SLC38A2: variants seen among roughly 807,000 people sequenced by gnomAD.
The protein encoded by SLC38A2 is solute carrier family 38 member 2, also known as sodium-coupled neutral amino acid symporter 2.
SLC38A2 carries 11 observed loss-of-function variants against 61.5 expected under a neutral mutation model. The ratio of observed to expected loss-of-function variants is 0.18; its 90% CI spans 0.11 to 0.30. The LOEUF is 0.30. SLC38A2 is among the 10% of genes least tolerant of loss of function. The probability of loss-of-function intolerance (pLI) is 1.00; values close to 1 mark genes in which losing one functional copy is unlikely to be tolerated. For synonymous variants in SLC38A2, 217 were observed against 212.5 expected (o/e 1.02, Z -0.18); for missense variants, 522 against 600.4 (o/e 0.87, Z 1.36).
At chr12:46,365,704 C>T (rs1271927559) in intron 7 of SLC38A2, among the ~76,000 whole-genome samples, 1 of 151,982 alleles carries the variant, frequency 6.6e-6, no homozygotes, top group Non-Finnish European at 1.5e-5. Flanking sequence ...ACTGCCCCCC[C>T]CATAAAAAAA....
intron 4 of SLC38A2, among the ~76,000 whole-genome samples, chr12:46,370,124 T>C (rs1338292296): frequency 1.3e-5 from 2 of 152,214 alleles, no homozygotes; most frequent in Non-Finnish European, 2.9e-5. Flanking sequence ...AAGAACTGTG[T>C]CGATTTACCA....
intron 13 of SLC38A2, 147 bp downstream of exon 13, chr12:46,362,874 C>G: frequency 9.5e-7 from 1 of 1,057,228 alleles, no homozygotes; most frequent in Non-Finnish European, 1.3e-6. Flanking sequence ...AAAATATACA[C>G]TGTATTTTTA....
rs940669355 is a variant in SLC38A2 at position 46,371,365 on chromosome 12, G to A, written c.-72C>T. 2 of 1,255,604 alleles carry A rather than the reference G, an allele frequency of 1.6e-6. No homozygotes were observed. Among genetic ancestry groups the A allele is most frequent in the Non-Finnish European group, 2.3e-6 (2 of 867,546 alleles). 77.8% of individuals were successfully genotyped at this position (1,255,604 alleles called of 1,614,324 possible). Reference sequence around the variant, plus strand: ...TTTTGTCCTTGGCGGTGGGTGCAGCGGCCCGCGAGTCGGCCTGCGAAAGTA... The same window carrying A: ...TTTTGTCCTTGGCGGTGGGTGCAGCAGCCCGCGAGTCGGCCTGCGAAAGTA... On this transcript the variant is annotated 5_prime_UTR_variant, in exon 2 of 16. Coordinates refer to ENST00000256689, the MANE Select transcript of SLC38A2 (RefSeq NM_018976.5).
At chr12:46,362,408 A>C (rs1398103206) in intron 14 of SLC38A2, 27 bp from the exon 15 acceptor site, 2 of 1,601,454 alleles carry the variant, frequency 1.2e-6, no homozygotes, top group African/African-American at 1.3e-5. Context: ...ATGTTTCTTG[A>C]GGATTCAATG....
Position 46,372,710 on chromosome 12 carries a change from C to G in SLC38A2, c.-288G>C. ...GGAAAGGCGCGAGCGTGCGGTAACG[C>G]GTGGTCGGGCTGCTGCTAGCAGTAC... On this transcript the variant is annotated 5_prime_UTR_variant, in exon 1 of 16. Coordinates refer to ENST00000256689, the MANE Select transcript of SLC38A2 (RefSeq NM_018976.5). The G allele has an allele frequency of 2.5e-6, 1 of 398,490 alleles. No homozygotes were observed. Among genetic ancestry groups the G allele is most frequent in the South Asian group, 1.3e-4 (1 of 7,860 alleles). 24.7% of individuals were successfully genotyped at this position (398,490 alleles called of 1,614,324 possible).
In SLC38A2 at chr12:46,360,089, T is replaced by C. The variant is rs1040189982; in HGVS notation, c.*1022A>G. 4 of 152,590 alleles carry C rather than the reference T, an allele frequency of 2.6e-5. No individual in the cohort carries two copies. The highest frequency in any genetic ancestry group is 9.7e-5 in the African/African-American group (4 of 41,440). The allele number at this position is 152,590 out of a possible 1,614,324, so 9.5% of individuals were successfully genotyped here. A position where few individuals can be genotyped will look rare whatever the true frequency, so the allele number is the denominator to read the frequency against. ...ACACAATAATTTTGGCCTATTGCCA[T>C]CAAATGCCCATTTTCCACTGCTGGA... On this transcript the variant is annotated 3_prime_UTR_variant, in exon 16 of 16. Transcript: ENST00000256689.
rs985435179 is a variant in SLC38A2, at chr12:46,372,591, T to G, written c.-169A>C. 7 of 397,862 alleles carry G rather than the reference T, an allele frequency of 1.8e-5. No homozygotes were observed. Among genetic ancestry groups the G allele is most frequent in the African/African-American group, 1.4e-4 (7 of 48,552 alleles). 24.6% of individuals were successfully genotyped at this position (397,862 alleles called of 1,614,324 possible). A position where few individuals can be genotyped will look rare whatever the true frequency, so the allele number is the denominator to read the frequency against. ...AAATCATAAAAAACAAACAAAAAAT[T>G]TCCCCAAATCCAACAACAGGCAGGA... On this transcript the variant is annotated 5_prime_UTR_variant, in exon 1 of 16. Coordinates refer to ENST00000256689, the MANE Select transcript of SLC38A2 (RefSeq NM_018976.5).
Position 46,372,737 on chromosome 12 carries a change from G to A in SLC38A2, c.-315C>T. ...TGGTCGGGCTGCTGCTAGCAGTACT[G>A]GAAAGGCGTTCTAAGGCGGCGGCGT... On this transcript the variant is annotated 5_prime_UTR_variant, in exon 1 of 16. Coordinates refer to ENST00000256689, the MANE Select transcript of SLC38A2 (RefSeq NM_018976.5). The A allele has an allele frequency of 5.0e-6, 2 of 398,464 alleles. No individual in the cohort carries two copies. The highest frequency in any genetic ancestry group is 4.4e-6 in the Non-Finnish European group (1 of 225,934). 24.7% of individuals were successfully genotyped at this position (398,464 alleles called of 1,614,324 possible).
chr12:46,362,074 T>C, intron 15 of SLC38A2: 1 of 481,940 alleles, frequency 2.1e-6, no homozygotes, highest in Non-Finnish European at 3.7e-6. Flanking sequence ...AATAACTTTA[T>C]TGCAATTAAT....
Position 46,363,188 on chromosome 12 carries a change from T to G in SLC38A2, c.1055-43A>C, listed in dbSNP as rs368453092. ...AAAAACTTTGATTGGCTGTTTTCAT[T>G]GGACACCAAGTAGAAAATTTAACAG... On this transcript the variant is annotated intron_variant, in intron 12 of 15. Transcript: ENST00000256689. The G allele has an allele frequency of 5.9e-4, 942 of 1,600,852 alleles. 17 individuals carry two copies. In the South Asian group the frequency reaches 9.8e-3, roughly 17 times the overall value.
chr12:46,367,334 G>T lies in SLC38A2; in HGVS notation c.321C>A (p.Leu107=). 1 of 1,560,218 alleles carries T rather than the reference G, an allele frequency of 6.4e-7. No homozygotes were observed. The highest frequency in any genetic ancestry group is 8.8e-7 in the Non-Finnish European group (1 of 1,132,324). Residue 107 remains leucine (L), a synonymous_variant, in exon 5 of 16, where the codon CTC becomes CTA. Transcript: ENST00000256689. The part of the protein sequence containing the change: ...ANTGIALFII[L]LTFVSIFSLY... ...GGGAAAATATTGACACAAATGTCAA[G>T]AGAATTCTGGTGAGAGAAGGAAAAG...
intron 4 of SLC38A2, among the ~76,000 whole-genome samples, chr12:46,368,343 T>G (rs146170620): frequency 1.3e-5 from 2 of 152,158 alleles, no homozygotes; most frequent in African/African-American, 4.8e-5. Context: ...TGACTGTCTC[T>G]AAGCCTTTCC....
In SLC38A2 at chr12:46,360,225, C is replaced by A. The variant is rs1470067048; in HGVS notation, c.*886G>T. The stretch of plus-strand genomic sequence containing the variant: ...TTTTACCCAATTGCACTATTTGGTA[C>A]CTCAAAATTAGTTATTTTATTTCCC... On this transcript the variant is annotated 3_prime_UTR_variant, in exon 16 of 16. Transcript: ENST00000256689. 2 of 152,606 alleles carry A rather than the reference C, an allele frequency of 1.3e-5. No individual in the cohort carries two copies. Among genetic ancestry groups the A allele is most frequent in the Non-Finnish European group, 2.9e-5 (2 of 68,020 alleles). The allele number at this position is 152,606 out of a possible 1,614,324, so 9.5% of individuals were successfully genotyped here.
rs1174897786 is a variant in SLC38A2, at chr12:46,362,520, G to T, written c.1298C>A (p.Thr433Asn). Residue 433 changes from threonine to asparagine, a missense_variant, in exon 14 of 16, where the codon ACT becomes AAT. Transcript: ENST00000256689. ...FTNLLVIFVP[T>N]IRDIFGFIGA... ...AATAAAACCAAAGATATCCCTAATA[G>T]TTGGGACAAAGATGACAAGTAAATT... 2 of 1,598,488 alleles carry T rather than the reference G, an allele frequency of 1.3e-6. No homozygotes were observed. Among genetic ancestry groups the T allele is most frequent in the Non-Finnish European group, 1.7e-6 (2 of 1,176,102 alleles).
Position 46,363,707 on chromosome 12 carries a change from T to C in SLC38A2, c.1054+19A>G. On this transcript the variant is annotated intron_variant, in intron 12 of 15. Transcript: ENST00000256689. ...TTTTTTGTTTTTGTTTTTGTTTTGG[T>C]AAAGGAGGCGTTACTTACCGTAAAA... The C allele has an allele frequency of 9.4e-6, 14 of 1,490,936 alleles. No homozygotes were observed. The highest frequency in any genetic ancestry group is 1.3e-5 in the Non-Finnish European group (14 of 1,110,176). 92.4% of individuals were successfully genotyped at this position (1,490,936 alleles called of 1,614,324 possible). A position where few individuals can be genotyped will look rare whatever the true frequency, so the allele number is the denominator to read the frequency against.
intron 3 of SLC38A2, 55 bp from the exon 4 acceptor site, chr12:46,370,682 C>A (rs2120570731): frequency 3.2e-6 from 5 of 1,563,556 alleles, no homozygotes; most frequent in Non-Finnish European, 4.4e-6. Flanking sequence ...ATGGAGAAAA[C>A]CAGCTTTGGG....
Position 46,359,691 on chromosome 12 carries a change from A to C in SLC38A2, c.*1420T>G, listed in dbSNP as rs966307054. On this transcript the variant is annotated 3_prime_UTR_variant, in exon 16 of 16. Transcript: ENST00000256689. ...TGACGTACGATAAATGTGCTCTTAA[A>C]GCCAAGTTTCAAAGTAATTATTTTC... 2.6e-5 allele frequency: 4 copies of C among 152,574 alleles called. No homozygotes were observed. Among genetic ancestry groups the C allele is most frequent in the Admixed American group, 2.6e-4 (4 of 15,282 alleles). The allele number at this position is 152,574 out of a possible 1,614,324, so 9.5% of individuals were successfully genotyped here. A position where few individuals can be genotyped will look rare whatever the true frequency, so the allele number is the denominator to read the frequency against.
At chr12:46,361,643 T>A (rs1463732045) in intron 15 of SLC38A2, among the ~76,000 whole-genome samples, 5 of 152,130 alleles carry the variant, frequency 3.3e-5, no homozygotes, top group African/African-American at 1.2e-4. Flanking sequence ...ACTATGTAAT[T>A]TAGAGTAAAA....
chr12:46,370,650 C>T, intron 3 of SLC38A2, 23 bp from the exon 4 acceptor site: 2 of 1,583,216 alleles, frequency 1.3e-6, no homozygotes, highest in Non-Finnish European at 1.7e-6. Context: ...AAAACGATAA[C>T]CAAACATATA....
Sources: allele counts gnomAD v4.1 joint callset (sites outside exome capture counted in the v4.1 genomes callset), GRCh38; gene constraint gnomAD v4.1.1; transcripts MANE v1.5; gene names NCBI Gene and HGNC (gene_info 2026-07-23, HGNC 2026-07-21).